Variants in MED13L observed in about 807,000 individuals in gnomAD.
MED13L encodes mediator complex subunit 13L, also known as mediator of RNA polymerase II transcription subunit 13-like.
MED13L carries 7 observed loss-of-function variants against 220.9 expected under a neutral mutation model. The ratio of observed to expected loss-of-function variants is 0.03; its 90% CI spans 0.02 to 0.06. The LOEUF (loss-of-function observed/expected upper bound fraction) is 0.06. Ranked by LOEUF, MED13L falls within the 10% of genes least tolerant of loss-of-function variation. MED13L has a pLI of 1.00. For missense variants in MED13L, 1,965 were observed against 2,760.5 expected (o/e 0.71, Z 6.46); for synonymous variants, 1,011 against 1,015.2 (o/e 1.00, Z 0.08).
chr12:116,218,564 T>A (rs1037918330), intron 2 of MED13L, among the ~76,000 whole-genome samples: 1 of 144,454 alleles, frequency 6.9e-6, no homozygotes, highest in South Asian at 2.1e-4. Flanking sequence ...TTAACCAGCA[T>A]TTTTTTTTTT....
chr12:116,277,134 T>C lies in MED13L; in HGVS notation c.-3A>G. 1 of 1,574,674 alleles carries C rather than the reference T, an allele frequency of 6.4e-7. No individual in the cohort carries two copies. The highest frequency in any genetic ancestry group is 8.6e-7 in the Non-Finnish European group (1 of 1,161,968). On this transcript the variant is annotated 5_prime_UTR_variant, in exon 1 of 31. Coordinates refer to ENST00000281928, the MANE Select transcript of MED13L (RefSeq NM_015335.5). ...ACCCAGTTCGCTGCCGCAGTCATGA[T>C]CCTCCGCGAGCCCGGCCGCCAGAGC...
intron 2 of MED13L, among the ~76,000 whole-genome samples, chr12:116,158,691 C>T (rs1273948191): frequency 1.3e-5 from 2 of 152,036 alleles, no homozygotes; most frequent in Non-Finnish European, 2.9e-5. Flanking sequence ...GGAAAAGAAG[C>T]GATGAGGAAT....
chr12:115,985,389 C>T (rs186933164), intron 19 of MED13L, among the ~76,000 whole-genome samples: 8 of 152,310 alleles, frequency 5.3e-5, no homozygotes, highest in Admixed American at 3.3e-4. Flanking sequence ...GTAGCAACAA[C>T]GTAAATTTAC....
At chr12:116,178,884 T>G (rs1880280484) in intron 2 of MED13L, among the ~76,000 whole-genome samples, 1 of 152,250 alleles carries the variant, frequency 6.6e-6, no homozygotes, top group Non-Finnish European at 1.5e-5. Flanking sequence ...AAGCACACTC[T>G]GAATATAAAG....
At position 116,084,322 on chromosome 12, in the gene MED13L, C is replaced by A. The variant is rs191144519; in HGVS notation, c.479+12347G>T. Among the ~76,000 whole-genome samples the A allele has an allele frequency of 9.9e-5, 15 of 152,282 alleles. No homozygotes were observed. In the East Asian group the frequency reaches 2.9e-3, roughly 29 times the overall value. On this transcript the variant is annotated intron_variant, in intron 4 of 30. Coordinates refer to ENST00000281928, the MANE Select transcript of MED13L (RefSeq NM_015335.5). ...TGCACGACAGTACATATTCATTCTA[C>A]TACCTGAGCATACTCGTGTTCAAGT...
intron 4 of MED13L, among the ~76,000 whole-genome samples, chr12:116,072,069 T>C (rs1870415595): frequency 6.6e-6 from 1 of 152,240 alleles, no homozygotes; most frequent in South Asian, 2.1e-4. Context: ...TTTGTAAAAC[T>C]TCCTTTTAAC....
At chr12:116,079,516 G>C (rs914275014) in intron 4 of MED13L, among the ~76,000 whole-genome samples, 1 of 151,818 alleles carries the variant, frequency 6.6e-6, no homozygotes, top group East Asian at 1.9e-4. Flanking sequence ...ATGAGCTGTC[G>C]CACCCAGCCT....
chr12:116,027,502 A>T (rs1365324843), intron 4 of MED13L, among the ~76,000 whole-genome samples: 1 of 152,198 alleles, frequency 6.6e-6, no homozygotes, highest in Non-Finnish European at 1.5e-5. Flanking sequence ...AAGGGGAAAG[A>T]GAGAATTCAC....
rs1875692918 is a variant in MED13L, at chr12:115,960,544, A to G, written c.*722T>C. The stretch of plus-strand genomic sequence containing the variant: ...TTACTCCTTTTCCGGCTTCTAGGAC[A>G]GAGGTATGTAGTCAAAGAATCCTAT... On this transcript the variant is annotated 3_prime_UTR_variant, in exon 31 of 31. Coordinates refer to ENST00000281928, the MANE Select transcript of MED13L (RefSeq NM_015335.5). The G allele has an allele frequency of 6.5e-6, 1 of 152,894 alleles. No homozygotes were observed. Among genetic ancestry groups the G allele is most frequent in the African/African-American group, 2.4e-5 (1 of 41,460 alleles). The allele number at this position is 152,894 out of a possible 1,614,324, so 9.5% of individuals were successfully genotyped here.
chr12:116,116,278 G>C (rs1874508677), intron 2 of MED13L, among the ~76,000 whole-genome samples: 1 of 152,058 alleles, frequency 6.6e-6, no homozygotes, highest in Non-Finnish European at 1.5e-5. Context: ...GCTGAAAGTT[G>C]AGTTGATCAC....
At chr12:116,075,976 C>G (rs920190496) in intron 4 of MED13L, among the ~76,000 whole-genome samples, 1 of 147,732 alleles carries the variant, frequency 6.8e-6, no homozygotes. Flanking sequence ...TGCAGTGGCG[C>G]GATCTCGGCT....
intron 4 of MED13L, among the ~76,000 whole-genome samples, chr12:116,062,628 T>C (rs866866019): frequency 1.3e-5 from 2 of 151,778 alleles, no homozygotes; most frequent in African/African-American, 4.8e-5. Flanking sequence ...GCTGGCACTA[T>C]AGGCATGCGC....
chr12:116,248,517 G>A (rs1289119187), intron 1 of MED13L, among the ~76,000 whole-genome samples: 1 of 152,066 alleles, frequency 6.6e-6, no homozygotes, highest in African/African-American at 2.4e-5. Context: ...TGAAATAAGA[G>A]TCTCAAGGAT....
chr12:116,045,333 A>G (rs1881768736), intron 4 of MED13L, among the ~76,000 whole-genome samples: 1 of 152,156 alleles, frequency 6.6e-6, no homozygotes, highest in Non-Finnish European at 1.5e-5. Context: ...ACAACAAATG[A>G]AAGCCTCAGC....
intron 4 of MED13L, among the ~76,000 whole-genome samples, chr12:116,087,004 A>G (rs1676277909): frequency 6.6e-6 from 1 of 152,186 alleles, no homozygotes; most frequent in African/African-American, 2.4e-5. Context: ...ATTATGTAGA[A>G]AGATTTATAG....
chr12:116,146,238 T>A (rs1024725183), intron 2 of MED13L, among the ~76,000 whole-genome samples: 30 of 152,144 alleles, frequency 2.0e-4, no homozygotes, highest in African/African-American at 7.2e-4. Flanking sequence ...TTCTCCTGCC[T>A]CAGCCTCCCA....
chr12:116,000,948 CA>C (rs201283625), intron 14 of MED13L, among the ~76,000 whole-genome samples: 117 of 138,378 alleles, frequency 8.5e-4, no homozygotes, highest in African/African-American at 2.6e-3. Flanking sequence ...AACTTCATAC[CA>C]AAAAAAAAAG....
chr12:116,231,924 C>T, intron 2 of MED13L: 2 of 194,846 alleles, frequency 1.0e-5, no homozygotes, highest in Non-Finnish European at 1.9e-5. Flanking sequence ...TCAATCCCAC[C>T]ATTTGGAATT....
At chr12:116,272,381 C>T (rs1593233094) in intron 1 of MED13L, among the ~76,000 whole-genome samples, 1 of 151,896 alleles carries the variant, frequency 6.6e-6, no homozygotes, top group East Asian at 1.9e-4. Flanking sequence ...ACCAACATGG[C>T]GAAACCCCAT....
Sources: gnomAD v4.1 joint callset for allele counts (sites outside exome capture counted in the v4.1 genomes callset) on GRCh38, gnomAD v4.1.1 for gene constraint, MANE v1.5 for transcripts, NCBI Gene and HGNC (gene_info 2026-07-23, HGNC 2026-07-21) for gene names.